PHEX: variants seen among roughly 807,000 people sequenced by gnomAD.
PHEX encodes the protein phosphate regulating endopeptidase X-linked, also known as phosphate-regulating neutral endopeptidase PHEX.
A neutral mutation model predicts 68.0 loss-of-function variants in PHEX; 16 were observed. The observed-to-expected ratio is 0.24, with a 90% CI of 0.16 to 0.36. The LOEUF (loss-of-function observed/expected upper bound fraction) is 0.36, where lower values mean the gene tolerates loss of function less well. Ranked by LOEUF, PHEX falls within the 10% of genes least tolerant of loss-of-function variation. The pLI is 1.00. For missense variants in PHEX, 480 were observed against 575.5 expected, an observed-to-expected ratio of 0.83 and a Z score of 1.70; for synonymous variants, 208 against 205.1, an observed-to-expected ratio of 1.01 and a Z score of -0.12.
At chrX:22,036,120 T>TG (rs1435234462) in intron 1 of PHEX, among the ~76,000 whole-genome samples, 1 of 96,284 alleles carries the variant, frequency 1.0e-5, no homozygotes, top group Non-Finnish European at 2.0e-5. Flanking sequence ...AGTGCAGTGG[T>TG]GCGATCTTGG....
chrX:22,141,468 G>A (rs1171954257), intron 12 of PHEX, among the ~76,000 whole-genome samples: 1 of 110,880 alleles, frequency 9.0e-6, no homozygotes, highest in Non-Finnish European at 1.9e-5. Context: ...GCCATTCACT[G>A]TTGGCTCATA....
intron 9 of PHEX, among the ~76,000 whole-genome samples, chrX:22,108,944 A>C (rs1161090422): frequency 9.4e-6 from 1 of 106,322 alleles, no homozygotes; most frequent in Non-Finnish European, 1.9e-5. Flanking sequence ...TCCATCTTCA[A>C]AAAAAAAAAA....
At chrX:22,056,232 T>C (rs73201126) in intron 3 of PHEX, among the ~76,000 whole-genome samples, 10,096 of 112,008 alleles carry the variant, frequency 0.09, 467 homozygotes, top group Non-Finnish European at 0.14. Context: ...CAACTCAAAC[T>C]GGCTTAAACA....
intron 14 of PHEX, among the ~76,000 whole-genome samples, chrX:22,180,005 CT>C (rs1265440836): frequency 4.6e-4 from 45 of 97,152 alleles, no homozygotes; most frequent in Admixed American, 1.3e-3. Context: ...TTTTCTGAGG[CT>C]TTTTTTTTTT....
intron 12 of PHEX, among the ~76,000 whole-genome samples, chrX:22,168,087 T>C (rs1052045428): frequency 1.8e-5 from 2 of 111,565 alleles, no homozygotes; most frequent in Non-Finnish European, 3.8e-5. Flanking sequence ...AATTTTTTAT[T>C]TTGTTTACAT....
intron 1 of PHEX, among the ~76,000 whole-genome samples, chrX:22,034,734 T>C (rs890353065): frequency 2.7e-5 from 3 of 111,841 alleles, no homozygotes; most frequent in African/African-American, 9.8e-5. Flanking sequence ...CCAGCAGCAT[T>C]AGCATCACTG....
At chrX:22,235,196 G>T (rs1021333079) in intron 20 of PHEX, among the ~76,000 whole-genome samples, 4 of 111,830 alleles carry the variant, frequency 3.6e-5, no homozygotes, top group African/African-American at 1.3e-4. Context: ...GATGAACTGG[G>T]TACCTCAGTT....
At chrX:22,231,701 G>A (rs1935745801) in intron 20 of PHEX, among the ~76,000 whole-genome samples, 1 of 111,171 alleles carries the variant, frequency 9.0e-6, no homozygotes, top group South Asian at 3.8e-4. Context: ...CTGTGTTGTT[G>A]ATCTTTTCAA....
intron 14 of PHEX, among the ~76,000 whole-genome samples, chrX:22,181,875 A>G (rs968998598): frequency 2.7e-5 from 3 of 112,002 alleles, no homozygotes; most frequent in African/African-American, 9.7e-5. Context: ...TCTTTTACAG[A>G]TCGCTTTCTC....
intron 12 of PHEX, among the ~76,000 whole-genome samples, chrX:22,164,307 T>C (rs1933237384): frequency 8.9e-6 from 1 of 111,853 alleles, no homozygotes; most frequent in African/African-American, 3.3e-5. Context: ...AATACATATA[T>C]AGCATATTTT....
chrX:22,222,416 G>T (rs182664497), intron 18 of PHEX, among the ~76,000 whole-genome samples: 277 of 111,707 alleles, frequency 2.5e-3, no homozygotes, highest in African/African-American at 8.2e-3. Flanking sequence ...ATGAACTTGG[G>T]CAAGTTACTT....
At position 22,239,751 on chromosome X, in the gene PHEX, A is replaced by C. The variant is rs1201107353; in HGVS notation, c.2071-5582A>C. 7.2e-5 allele frequency among the ~76,000 whole-genome samples: 8 copies of C among 111,743 alleles called. No homozygotes were observed. The East Asian group carries it at 2.3e-3, about 32-fold the overall frequency. On this transcript the variant is annotated intron_variant, in intron 20 of 21. Transcript: ENST00000379374. Reference sequence around the variant, plus strand: ...AAATATGGGACTCTGTGAAAAGACCAAATCTACATTTGATGGGTGTACCTG... The same window carrying C: ...AAATATGGGACTCTGTGAAAAGACCCAATCTACATTTGATGGGTGTACCTG...
chrX:22,206,242 C>T (rs1396576756), intron 15 of PHEX, among the ~76,000 whole-genome samples: 1 of 111,604 alleles, frequency 9.0e-6, no homozygotes, highest in Non-Finnish European at 1.9e-5. Flanking sequence ...TACATTGGTA[C>T]TACTAATAGT....
chrX:22,115,899 A>G (rs2147067234), intron 11 of PHEX, among the ~76,000 whole-genome samples: 1 of 112,678 alleles, frequency 8.9e-6, no homozygotes, highest in East Asian at 2.8e-4. Context: ...GCTATTATGA[A>G]TAATGCTGCA....
intron 15 of PHEX, among the ~76,000 whole-genome samples, chrX:22,191,972 A>T (rs1934213093): frequency 8.9e-6 from 1 of 112,296 alleles, no homozygotes; most frequent in Non-Finnish European, 1.9e-5. Context: ...GTTGAAAATC[A>T]TGCAGAACAA....
intron 20 of PHEX, among the ~76,000 whole-genome samples, chrX:22,234,832 ACC>A (rs1491463925): frequency 4.9e-5 from 5 of 102,880 alleles, no homozygotes; most frequent in Non-Finnish European, 7.8e-5. Flanking sequence ...AAAAAAAAAA[ACC>A]ACACACACAC....
At chrX:22,149,551 C>T (rs753828115) in intron 12 of PHEX, among the ~76,000 whole-genome samples, 46 of 112,213 alleles carry the variant, frequency 4.1e-4, no homozygotes, top group African/African-American at 1.3e-3. Context: ...GTCAGGAGTT[C>T]GAGACCAGCC....
intron 9 of PHEX, among the ~76,000 whole-genome samples, chrX:22,100,608 A>C (rs1023834509): frequency 9.0e-6 from 1 of 111,255 alleles, no homozygotes; most frequent in African/African-American, 3.3e-5. Flanking sequence ...GATTGATTTT[A>C]CTTCCAAAAA....
At chrX:22,207,454 TAAAAG>T (rs1214828269) in intron 15 of PHEX, among the ~76,000 whole-genome samples, 1 of 111,600 alleles carries the variant, frequency 9.0e-6, no homozygotes, top group Non-Finnish European at 1.9e-5. Flanking sequence ...TTTGAGATGC[TAAAAG>T]AAATTTTAAT....
Sources: gnomAD v4.1 joint callset for allele counts (sites outside exome capture counted in the v4.1 genomes callset) on GRCh38, gnomAD v4.1.1 for gene constraint, MANE v1.5 for transcripts, NCBI Gene and HGNC (gene_info 2026-07-23, HGNC 2026-07-21) for gene names.